RASGEF1C: variants seen among roughly 807,000 people sequenced by gnomAD.
RASGEF1C encodes the protein RasGEF domain family member 1C, also known as ras-GEF domain-containing family member 1C.
Under a neutral mutation model 58.1 loss-of-function variants are expected in RASGEF1C, and 27 were observed. The ratio of observed to expected loss-of-function variants is 0.46; its 90% CI spans 0.34 to 0.64. The LOEUF is 0.64. RASGEF1C is among the 30% of genes least tolerant of loss of function. The probability of loss-of-function intolerance (pLI) is 0.01; values close to 1 mark genes in which losing one functional copy is unlikely to be tolerated. For synonymous variants in RASGEF1C, 243 were observed against 246.3 expected (o/e 0.99, Z 0.13); for missense variants, 502 against 605.1 (o/e 0.83, Z 1.79).
intron 1 of RASGEF1C, among the ~76,000 whole-genome samples, chr5:180,147,424 T>A (rs903782058): frequency 2.0e-5 from 3 of 152,294 alleles, no homozygotes; most frequent in Middle Eastern, 3.4e-3. Context: ...TCTTCTTTTT[T>A]AATGTGTTTA....
intron 1 of RASGEF1C, among the ~76,000 whole-genome samples, chr5:180,199,663 C>A: frequency 6.6e-6 from 1 of 151,728 alleles, no homozygotes; most frequent in East Asian, 1.9e-4. Flanking sequence ...GCCTTCCCTC[C>A]CTCTCTCCCT....
intron 1 of RASGEF1C, among the ~76,000 whole-genome samples, chr5:180,152,277 G>A (rs544498196): frequency 1.3e-5 from 2 of 152,110 alleles, no homozygotes; most frequent in South Asian, 2.1e-4. Flanking sequence ...TGTTTATTGC[G>A]GCACTATTCA....
intron 1 of RASGEF1C, among the ~76,000 whole-genome samples, chr5:180,178,784 C>T (rs1057059928): frequency 2.6e-5 from 4 of 152,086 alleles, no homozygotes; most frequent in Admixed American, 1.3e-4. Context: ...CATGAGACCC[C>T]GGGGCGTCAC....
intron 5 of RASGEF1C, among the ~76,000 whole-genome samples, chr5:180,128,014 C>A (rs1766292514): frequency 6.6e-6 from 1 of 152,190 alleles, no homozygotes; most frequent in African/African-American, 2.4e-5. Context: ...AGCATGGCAT[C>A]TGGGTCAGAA....
rs1029109067 is a variant in RASGEF1C, at chr5:180,190,253, C to T, written c.-7+18775G>A. Among the ~76,000 whole-genome samples the T allele has an allele frequency of 3.7e-4, 55 of 150,676 alleles. 2 individuals are homozygous for T. Among genetic ancestry groups the T allele is most frequent in the South Asian group, 8.4e-4 (4 of 4,760 alleles). On this transcript the variant is annotated intron_variant, in intron 1 of 13. Coordinates refer to ENST00000361132, the MANE Select transcript of RASGEF1C (RefSeq NM_175062.4). ...CTGTAATCCCAGCATTTTGGGAGGCCGAGGCAGGCGGATCACGAGGTTAGG... is the reference window on the plus strand; with the variant it reads ...CTGTAATCCCAGCATTTTGGGAGGCTGAGGCAGGCGGATCACGAGGTTAGG...
chr5:180,125,458 T>G (rs1434467841), intron 6 of RASGEF1C, among the ~76,000 whole-genome samples: 1 of 152,246 alleles, frequency 6.6e-6, no homozygotes. Context: ...TACTTCTATT[T>G]GACATTGTAC....
chr5:180,184,029 G>C (rs71613445), intron 1 of RASGEF1C, among the ~76,000 whole-genome samples: 1 of 151,632 alleles, frequency 6.6e-6, no homozygotes. Context: ...AAAATTAGCC[G>C]GGTGTGGTGA....
At chr5:180,190,640 C>G (rs1340321785) in intron 1 of RASGEF1C, among the ~76,000 whole-genome samples, 2 of 150,668 alleles carry the variant, frequency 1.3e-5, no homozygotes, top group East Asian at 3.9e-4. Flanking sequence ...TGCTCTCCAG[C>G]CTAGGTGACA....
chr5:180,139,446 C>T (rs1028712551), intron 1 of RASGEF1C, among the ~76,000 whole-genome samples: 24 of 152,186 alleles, frequency 1.6e-4, no homozygotes, highest in African/African-American at 1.9e-4. Flanking sequence ...GACAGAGGGA[C>T]GTGGTGGGTC....
intron 1 of RASGEF1C, among the ~76,000 whole-genome samples, chr5:180,200,310 CTTTTT>C (rs762904367): frequency 1.1e-5 from 1 of 90,222 alleles, no homozygotes; most frequent in Non-Finnish European, 2.1e-5. Context: ...GTACATCATT[CTTTTT>C]TTTTTTTTTT....
At chr5:180,169,488 G>A (rs968261281) in intron 1 of RASGEF1C, among the ~76,000 whole-genome samples, 1 of 151,710 alleles carries the variant, frequency 6.6e-6, no homozygotes, top group Non-Finnish European at 1.5e-5. Context: ...GCAGCCACTA[G>A]AGGAAGTGAG....
rs1282849597 is a variant in RASGEF1C at position 180,113,363 on chromosome 5, C to T, written c.1179+1083G>A. 2.5e-4 allele frequency among the ~76,000 whole-genome samples: 2 copies of T among 8,110 alleles called. 1 individual carries two copies. The highest frequency in any genetic ancestry group is 1.1e-3 in the African/African-American group (2 of 1,830). 5.3% of individuals were successfully genotyped at this position (8,110 alleles called of 152,430 possible). On this transcript the variant is annotated intron_variant, in intron 11 of 13. Transcript: ENST00000361132. ...GGGACCGGGGATGGACTGAGGGATC[C>T]GGGATGGACGGAGGGACCGGGGATG...
In RASGEF1C at chr5:180,209,064, T is replaced by C. The variant is rs1331952144; in HGVS notation, c.-43A>G. ...GCGCCGGAACTCCGGGCCCGGCCCA[T>C]GGGCAGCTCCCGGTGCGAGCCTCGG... is the stretch of plus-strand genomic sequence containing the variant. On this transcript the variant is annotated 5_prime_UTR_variant, in exon 1 of 14. An upstream start codon of the reference 5' UTR is lost. Coordinates refer to ENST00000361132, the MANE Select transcript of RASGEF1C (RefSeq NM_175062.4). 3 of 139,978 alleles carry C rather than the reference T, an allele frequency of 2.1e-5. No individual in the cohort carries two copies. Among genetic ancestry groups the C allele is most frequent in the East Asian group, 2.2e-4 (1 of 4,536 alleles). The allele number at this position is 139,978 out of a possible 1,614,324, so 8.7% of individuals were successfully genotyped here.
At chr5:180,187,949 T>C (rs886226682) in intron 1 of RASGEF1C, among the ~76,000 whole-genome samples, 1 of 152,160 alleles carries the variant, frequency 6.6e-6, no homozygotes, top group Non-Finnish European at 1.5e-5. Flanking sequence ...ACTATGGCAT[T>C]AGCAAATGAC....
chr5:180,105,378 C>T (rs111967337), intron 12 of RASGEF1C, among the ~76,000 whole-genome samples: 72 of 151,262 alleles, frequency 4.8e-4, no homozygotes, highest in African/African-American at 1.7e-3. Context: ...CTGGCTAACA[C>T]GGTGAAACCC....
rs1310686394 is a variant in RASGEF1C at position 180,156,545 on chromosome 5, GA to G, written c.-6-18488del. Among the ~76,000 whole-genome samples the G allele has an allele frequency of 2.6e-5, 4 of 152,220 alleles. No homozygotes were observed. The highest frequency in any genetic ancestry group is 2.9e-5 in the Non-Finnish European group (2 of 68,046). ...AGCACTTTGGGAAGCTGAGCATGCA[GA>G]GTGCTTGAGTCCAGCAGTTCAAGAC... On this transcript the variant is annotated intron_variant, in intron 1 of 13. Coordinates refer to ENST00000361132, the MANE Select transcript of RASGEF1C (RefSeq NM_175062.4). This position sits in a 1 kb window ranked among gnomAD's most constrained non-coding sequence, Gnocchi z 4.9.
intron 1 of RASGEF1C, among the ~76,000 whole-genome samples, chr5:180,163,134 A>AT (rs1199729199): frequency 6.8e-6 from 1 of 148,020 alleles, no homozygotes; most frequent in Non-Finnish European, 1.5e-5. Context: ...CCCCCTTTGG[A>AT]TTTTCTAGGT....
chr5:180,198,816 G>A lies in RASGEF1C; in HGVS notation c.-7+10212C>T, dbSNP rs1220372883. ...CCTGGGCACCTTCTGCTGCTTCTGGGATCCTTTAGGGGGTCCTGCATGAAA... is the reference window on the plus strand; with the variant it reads ...CCTGGGCACCTTCTGCTGCTTCTGGAATCCTTTAGGGGGTCCTGCATGAAA... On this transcript the variant is annotated intron_variant, in intron 1 of 13. Transcript: ENST00000361132. The surrounding 1 kb of genome is among the most constrained non-coding windows in gnomAD (Gnocchi z 4.5). Among the ~76,000 whole-genome samples the A allele has an allele frequency of 1.3e-5, 2 of 152,158 alleles. No individual in the cohort carries two copies. Among genetic ancestry groups the A allele is most frequent in the African/African-American group, 2.4e-5 (1 of 41,422 alleles).
chr5:180,162,736 A>G (rs1766961092), intron 1 of RASGEF1C, among the ~76,000 whole-genome samples: 1 of 152,176 alleles, frequency 6.6e-6, no homozygotes, highest in South Asian at 2.1e-4. Context: ...ACATTTTAGA[A>G]TTACTTTATA....
Sources: gnomAD v4.1 joint callset for allele counts (sites outside exome capture counted in the v4.1 genomes callset) on GRCh38, gnomAD v4.1.1 for gene constraint, Gnocchi (gnomAD v3.1) non-coding constraint, MANE v1.5 for transcripts, NCBI Gene and HGNC (gene_info 2026-07-23, HGNC 2026-07-21) for gene names.